NCBP2L: variants seen among roughly 807,000 people sequenced by gnomAD.
NCBP2L encodes nuclear cap binding protein subunit 2 like, also known as nuclear cap-binding protein subunit 2-like.
For missense variants in NCBP2L, 95 were observed against 53.1 expected, an observed-to-expected ratio of 1.79 and a Z score of -2.45; for synonymous variants, 39 against 19.2, an observed-to-expected ratio of 2.04 and a Z score of -2.70.
rs746562150 is a variant in NCBP2L, at chrX:107,795,638, A to G, written c.*956A>G. 8.9e-6 allele frequency: 1 copy of G among 111,970 alleles called. No individual in the cohort carries two copies. Among genetic ancestry groups the G allele is most frequent in the African/African-American group, 3.2e-5 (1 of 30,868 alleles). 9.2% of individuals were successfully genotyped at this position (111,970 alleles called of 1,213,427 possible). A position where few individuals can be genotyped will look rare whatever the true frequency, so the allele number is the denominator to read the frequency against. On this transcript the variant is annotated 3_prime_UTR_variant, in exon 2 of 2. Coordinates refer to ENST00000509000, the MANE Select transcript of NCBP2L (RefSeq NM_001348372.2). ...TAGGCTAATGTAAAATGTTTAAGATAGGTTGTGCTATGCTATATTTGAGAG... is the reference window on the plus strand; with the variant it reads ...TAGGCTAATGTAAAATGTTTAAGATGGGTTGTGCTATGCTATATTTGAGAG...
At chrX:107,781,711 G>GATATCTATAGATCTATATATAGAT (rs1930284540) in intron 1 of NCBP2L, among the ~76,000 whole-genome samples, 1 of 54,873 alleles carries the variant, frequency 1.8e-5, no homozygotes, top group African/African-American at 1.1e-4. Context: ...TATATATATA[G>GATATCTATAGATCTATATATAGAT]ATCTATAGAT....
chrX:107,795,128 T>C lies in NCBP2L; in HGVS notation c.*446T>C, dbSNP rs926029483. 1 of 113,032 alleles carries C rather than the reference T, an allele frequency of 8.8e-6. No individual in the cohort carries two copies. Among genetic ancestry groups the C allele is most frequent in the Non-Finnish European group, 1.9e-5 (1 of 53,905 alleles). The allele number at this position is 113,032 out of a possible 1,213,427, so 9.3% of individuals were successfully genotyped here. On this transcript the variant is annotated 3_prime_UTR_variant, in exon 2 of 2. Coordinates refer to ENST00000509000, the MANE Select transcript of NCBP2L (RefSeq NM_001348372.2). ...ACTATTATTTGAAACCATAGAAAAG[T>C]CTGGAAGAATTTGTAATAAAAACAA...
At chrX:107,781,216 CTTTTTTT>C (rs752190503) in intron 1 of NCBP2L, among the ~76,000 whole-genome samples, 1 of 89,833 alleles carries the variant, frequency 1.1e-5, no homozygotes, top group African/African-American at 4.3e-5. Context: ...TGAAGGCCGG[CTTTTTTT>C]TTTTTTTTTT....
At chrX:107,779,731 C>A (rs1179695454) in intron 1 of NCBP2L, among the ~76,000 whole-genome samples, 1 of 89,947 alleles carries the variant, frequency 1.1e-5, no homozygotes. Context: ...CCCAGCCTAT[C>A]CCCTGAATTT....
intron 1 of NCBP2L, among the ~76,000 whole-genome samples, chrX:107,783,264 CT>C (rs1306182409): frequency 4.7e-5 from 5 of 106,989 alleles, no homozygotes; most frequent in Non-Finnish European, 9.6e-5. Context: ...AGTGGGATCA[CT>C]TGAGGTCAGG....
intron 1 of NCBP2L, among the ~76,000 whole-genome samples, chrX:107,781,472 A>ATTTTTTTTTTT (rs769639335): frequency 1.4e-5 from 1 of 73,865 alleles, no homozygotes; most frequent in Non-Finnish European, 2.4e-5. Context: ...CGCCCGGCTA[A>ATTTTTTTTTTT]TTTTTTTTTT....
intron 1 of NCBP2L, among the ~76,000 whole-genome samples, chrX:107,785,572 A>T (rs973332860): frequency 3.6e-5 from 4 of 111,490 alleles, no homozygotes; most frequent in Admixed American, 9.6e-5. Flanking sequence ...GAGAAGGCAC[A>T]AAAGTCCTTT....
At position 107,790,154 on chromosome X, in the gene NCBP2L, C is replaced by T. The variant is rs192024096; in HGVS notation, c.-72-3995C>T. ...CCTCTATCTACACAGTGCTGAAACT[C>T]GGTAGTCATCCTGAATTTCTCATTC... On this transcript the variant is annotated intron_variant, in intron 1 of 1. Transcript: ENST00000509000. 8.9e-5 allele frequency among the ~76,000 whole-genome samples: 10 copies of T among 111,751 alleles called. No homozygotes were observed. In the East Asian group the frequency reaches 2.8e-3, roughly 31 times the overall value.
chrX:107,794,256 T>G lies in NCBP2L; in HGVS notation c.36T>G (p.Pro12=), dbSNP rs780770492. 1 of 561,109 alleles carries G rather than the reference T, an allele frequency of 1.8e-6. No individual in the cohort carries two copies. The highest frequency in any genetic ancestry group is 2.2e-5 in the African/African-American group (1 of 44,899). The allele number at this position is 561,109 out of a possible 1,213,427, so 46.2% of individuals were successfully genotyped here. A position where few individuals can be genotyped will look rare whatever the true frequency, so the allele number is the denominator to read the frequency against. Residue 12 remains proline (P), a synonymous_variant, in exon 2 of 2, where the codon CCT becomes CCG. Coordinates refer to ENST00000509000, the MANE Select transcript of NCBP2L (RefSeq NM_001348372.2). The stretch of plus-strand genomic sequence containing the variant: ...ACCTGAAAATTCTATGTAAAGACCC[T>G]GCTTTGGAGCTGAGCTGCTACCGGG... ...SKDLKILCKD[P]ALELSCYRDH...
chrX:107,783,492 CCTCCCGAG>C (rs1486793935), intron 1 of NCBP2L, among the ~76,000 whole-genome samples: 1 of 108,084 alleles, frequency 9.3e-6, no homozygotes, highest in Non-Finnish European at 1.9e-5. Context: ...CTTGCCTCAG[CCTCCCGAG>C]TAGCTGAAAT....
At chrX:107,781,592 C>T (rs1429464803) in intron 1 of NCBP2L, among the ~76,000 whole-genome samples, 7 of 97,431 alleles carry the variant, frequency 7.2e-5, no homozygotes, top group Middle Eastern at 5.6e-3. Context: ...GGATTACAGG[C>T]GTGAGCCACC....
chrX:107,791,434 T>A (rs1237601594), intron 1 of NCBP2L, among the ~76,000 whole-genome samples: 1 of 111,634 alleles, frequency 9.0e-6, no homozygotes, highest in Non-Finnish European at 1.9e-5. Flanking sequence ...GTTGTAAAGA[T>A]GAGGTTTCAC....
Position 107,794,299 on chromosome X carries a change from C to A in NCBP2L, c.79C>A (p.Arg27Ser). The change falls in exon 2 of 2, where the codon CGT (arginine) becomes AGT (serine). Residue 27 changes from arginine to serine, a missense_variant. Coordinates refer to ENST00000509000, the MANE Select transcript of NCBP2L (RefSeq NM_001348372.2). ...SCYRDHQFSG[R>S]KFQQEKLLKE... ...CTACCGGGACCATCAGTTCAGTGGC[C>A]GTAAATTTCAGCAGGAAAAATTACT... The A allele has an allele frequency of 1.8e-6, 1 of 569,303 alleles. No individual in the cohort carries two copies. Among genetic ancestry groups the A allele is most frequent in the Non-Finnish European group, 3.2e-6 (1 of 309,215 alleles). 46.9% of individuals were successfully genotyped at this position (569,303 alleles called of 1,213,427 possible).
intron 1 of NCBP2L, among the ~76,000 whole-genome samples, chrX:107,781,692 C>CTCTCTCTCTCTCTCTCTATATA (rs1395038482): frequency 4.2e-4 from 28 of 66,915 alleles, no homozygotes; most frequent in Middle Eastern, 9.3e-3. Flanking sequence ...CTCTCTCTCT[C>CTCTCTCTCTCTCTCTCTATATA]TATATATATA....
At chrX:107,786,020 T>A (rs1930390828) in intron 1 of NCBP2L, among the ~76,000 whole-genome samples, 1 of 111,859 alleles carries the variant, frequency 8.9e-6, no homozygotes, top group South Asian at 3.7e-4. Flanking sequence ...TATTTTTTAA[T>A]ATCCTTCCAG....
intron 1 of NCBP2L, among the ~76,000 whole-genome samples, chrX:107,782,752 T>C (rs934822476): frequency 1.8e-5 from 2 of 108,538 alleles, no homozygotes; most frequent in East Asian, 5.8e-4. Context: ...TAGCAAAATA[T>C]CCTCCAGGAT....
At chrX:107,781,795 TATTTATATATAG>T (rs1930293257) in intron 1 of NCBP2L, among the ~76,000 whole-genome samples, 2 of 99,384 alleles carry the variant, frequency 2.0e-5, no homozygotes, top group African/African-American at 7.3e-5. Context: ...TAGATATCTA[TATTTATATATAG>T]ATATCTAGAT....
intron 1 of NCBP2L, among the ~76,000 whole-genome samples, chrX:107,781,721 T>C (rs1285413140): frequency 2.1e-5 from 2 of 93,268 alleles, no homozygotes; most frequent in Non-Finnish European, 4.2e-5. Flanking sequence ...GATCTATAGA[T>C]ATCTATAGAT....
intron 1 of NCBP2L, among the ~76,000 whole-genome samples, chrX:107,779,680 G>A (rs1288660932): frequency 1.8e-5 from 2 of 109,627 alleles, no homozygotes; most frequent in Admixed American, 9.7e-5. Flanking sequence ...CACCCGCTTC[G>A]GCCTCCTAAA....
Sources: gnomAD v4.1 joint callset for allele counts (sites outside exome capture counted in the v4.1 genomes callset) on GRCh38, gnomAD v4.1.1 for gene constraint, MANE v1.5 for transcripts, NCBI Gene and HGNC (gene_info 2026-07-23, HGNC 2026-07-21) for gene names.